SRPK2: variants seen among roughly 807,000 people sequenced by gnomAD.
SRPK2 encodes SRSF protein kinase 2, also known as SFRS protein kinase 2.
A neutral mutation model predicts 90.8 loss-of-function variants in SRPK2; 21 were observed. The observed-to-expected ratio is 0.23, with a 90% CI of 0.16 to 0.33. SRPK2 has a LOEUF of 0.33. SRPK2 is among the 10% of genes least tolerant of loss of function. The probability of loss-of-function intolerance (pLI) is 1.00; values close to 1 mark genes in which losing one functional copy is unlikely to be tolerated. For missense variants in SRPK2, 620 were observed against 869.0 expected (o/e 0.71, Z 3.60); for synonymous variants, 288 against 311.1 (o/e 0.93, Z 0.78).
At chr7:105,167,947 T>G in intron 5 of SRPK2, 61 bp downstream of exon 5, 1 of 1,380,258 alleles carries the variant, frequency 7.2e-7, no homozygotes, top group South Asian at 1.3e-5. Flanking sequence ...CAGAAAAATC[T>G]TTCTGTAAAA....
intron 2 of SRPK2, among the ~76,000 whole-genome samples, chr7:105,370,282 C>CT (rs1404104393): frequency 6.6e-6 from 1 of 152,130 alleles, no homozygotes; most frequent in Non-Finnish European, 1.5e-5. Flanking sequence ...TTTCCTTACC[C>CT]TTTCTCCCAC....
At position 105,216,422 on chromosome 7, in the gene SRPK2, A is replaced by AC. The variant is rs1366040578; in HGVS notation, c.72-12638dup. Among the ~76,000 whole-genome samples, 3 of 151,926 alleles carry AC rather than the reference A, an allele frequency of 2.0e-5. 1 individual carries two copies. Among genetic ancestry groups the AC allele is most frequent in the Admixed American group, 2.0e-4 (3 of 15,240 alleles). On this transcript the variant is annotated intron_variant, in intron 2 of 15. Coordinates refer to ENST00000393651, the MANE Select transcript of SRPK2 (RefSeq NM_182692.3). The stretch of plus-strand genomic sequence containing the variant: ...AGGTAATTTTTTCAAGATTCTTATC[A>AC]CCCCCCAAAAACTCCTTTCAGGAGT...
At chr7:105,385,001 CG>C (rs1563318238) in intron 2 of SRPK2, among the ~76,000 whole-genome samples, 1 of 150,872 alleles carries the variant, frequency 6.6e-6, no homozygotes, top group Non-Finnish European at 1.5e-5. Flanking sequence ...CTCAGCCTCC[CG>C]AGTAGCTGGG....
chr7:105,287,259 T>TAAAAAAAAA (rs71520909), intron 2 of SRPK2, among the ~76,000 whole-genome samples: 1 of 58,870 alleles, frequency 1.7e-5, no homozygotes, highest in East Asian at 5.0e-4. Context: ...AGACTCCGTC[T>TAAAAAAAAA]AAAAAAAAAA....
intron 2 of SRPK2, among the ~76,000 whole-genome samples, chr7:105,260,883 G>C (rs1178570501): frequency 1.3e-5 from 2 of 151,478 alleles, no homozygotes; most frequent in Non-Finnish European, 2.9e-5. Context: ...GAGCCTATTG[G>C]GGGGTGGGGG....
rs74347296 is a variant in SRPK2 at position 105,310,115 on chromosome 7, G to A, written c.71+78533C>T. 7.0e-3 allele frequency among the ~76,000 whole-genome samples: 1,069 copies of A among 152,314 alleles called. 6 individuals carry two copies. The highest frequency in any genetic ancestry group is 0.02 in the Middle Eastern group (6 of 294). On this transcript the variant is annotated intron_variant, in intron 2 of 15. Transcript: ENST00000393651. ...AACACAGAGGCGCCAGGCTGCAGCA[G>A]AGAAAACATGGAACACAAAGGTGTA...
intron 2 of SRPK2, among the ~76,000 whole-genome samples, chr7:105,293,441 AT>A (rs1208706939): frequency 1.6e-5 from 2 of 126,308 alleles, no homozygotes; most frequent in Non-Finnish European, 3.3e-5. Flanking sequence ...TACAAATATC[AT>A]TTCCTTTTTT....
Position 105,292,497 on chromosome 7 carries a change from CAAAAAAAA to C in SRPK2, c.72-88720_72-88713del, listed in dbSNP as rs397889533. 4.8e-4 allele frequency among the ~76,000 whole-genome samples: 36 copies of C among 74,806 alleles called. 1 individual carries two copies. The highest frequency in any genetic ancestry group is 1.2e-3 in the Admixed American group (8 of 6,476). The allele number at this position is 74,806 out of a possible 152,430, so 49.1% of individuals were successfully genotyped here. On this transcript the variant is annotated intron_variant, in intron 2 of 15. Coordinates refer to ENST00000393651, the MANE Select transcript of SRPK2 (RefSeq NM_182692.3). ...AGCCTGGGCGATAGAGTAAGACTCTCAAAAAAAAAAAAAAAAAAAAAAAAAAGAGCATA... is the reference window on the plus strand; with the variant it reads ...AGCCTGGGCGATAGAGTAAGACTCTCAAAAAAAAAAAAAAAAAAGAGCATA...
chr7:105,169,054 A>AC, intron 4 of SRPK2, 103 bp downstream of exon 4: 1 of 972,948 alleles, frequency 1.0e-6, no homozygotes, highest in Non-Finnish European at 1.6e-6. Flanking sequence ...TAAGCACTTC[A>AC]CATACCTCAA....
intron 2 of SRPK2, among the ~76,000 whole-genome samples, chr7:105,320,291 C>T (rs1812798985): frequency 6.6e-6 from 1 of 152,186 alleles, no homozygotes; most frequent in African/African-American, 2.4e-5. Context: ...CAGCACCTCT[C>T]ACCTTAATTC....
chr7:105,160,826 G>A (rs117883166), intron 6 of SRPK2, among the ~76,000 whole-genome samples: 4 of 152,192 alleles, frequency 2.6e-5, no homozygotes, highest in Non-Finnish European at 5.9e-5. Context: ...TATCTCAGGA[G>A]ATTGGTTCCA....
intron 2 of SRPK2, among the ~76,000 whole-genome samples, chr7:105,208,641 T>TG (rs1796492635): frequency 6.6e-6 from 1 of 151,660 alleles, no homozygotes; most frequent in African/African-American, 2.4e-5. Context: ...GTTGGGGAAA[T>TG]GGAGAAAAAA....
At chr7:105,256,466 T>C (rs2129633579) in intron 2 of SRPK2, among the ~76,000 whole-genome samples, 1 of 152,242 alleles carries the variant, frequency 6.6e-6, no homozygotes, top group East Asian at 1.9e-4. Context: ...AGAGATCCTC[T>C]CACCGCAGCC....
chr7:105,228,983 T>C (rs1240483904), intron 2 of SRPK2, among the ~76,000 whole-genome samples: 1 of 152,166 alleles, frequency 6.6e-6, no homozygotes, highest in Admixed American at 6.5e-5. Context: ...TAGTGGTCTC[T>C]CTGCTACTTT....
intron 7 of SRPK2, among the ~76,000 whole-genome samples, chr7:105,152,113 C>T (rs1373443397): frequency 1.3e-5 from 2 of 151,858 alleles, no homozygotes; most frequent in Non-Finnish European, 2.9e-5. Context: ...TGGTACATCC[C>T]AGCAACAAAA....
At chr7:105,331,226 T>C (rs1202076144) in intron 2 of SRPK2, among the ~76,000 whole-genome samples, 1 of 138,772 alleles carries the variant, frequency 7.2e-6, no homozygotes, top group Non-Finnish European at 1.5e-5. Flanking sequence ...GGAGAATCAC[T>C]TGAACCTCGG....
chr7:105,236,039 T>C (rs1193937297), intron 2 of SRPK2, among the ~76,000 whole-genome samples: 1 of 152,334 alleles, frequency 6.6e-6, no homozygotes, highest in Non-Finnish European at 1.5e-5. Flanking sequence ...AACTTAGGTA[T>C]ATGTCAGAGT....
At chr7:105,187,637 T>C (rs534038562) in intron 3 of SRPK2, among the ~76,000 whole-genome samples, 1 of 152,324 alleles carries the variant, frequency 6.6e-6, no homozygotes, top group Admixed American at 6.5e-5. Flanking sequence ...TCAGACCATA[T>C]AGCCTTGGAA....
At chr7:105,350,259 G>A (rs1189080978) in intron 2 of SRPK2, among the ~76,000 whole-genome samples, 1 of 136,476 alleles carries the variant, frequency 7.3e-6, no homozygotes, top group Non-Finnish European at 1.7e-5. Flanking sequence ...AGCCACCCGA[G>A]TAGCTGGGAT....
Sources: gnomAD v4.1 joint callset for allele counts (sites outside exome capture counted in the v4.1 genomes callset) on GRCh38, gnomAD v4.1.1 for gene constraint, MANE v1.5 for transcripts, NCBI Gene and HGNC (gene_info 2026-07-23, HGNC 2026-07-21) for gene names.